PARD3: variants seen among roughly 807,000 people sequenced by gnomAD.
PARD3 encodes par-3 family cell polarity regulator.
In PARD3, 75 loss-of-function variants were observed where a neutral mutation model predicts 155.4. That is an observed-to-expected ratio of 0.48 (90% confidence interval 0.40 to 0.58). The LOEUF is 0.58. Among genes scored for constraint, PARD3 ranks in the 20% least tolerant of loss-of-function variants. The pLI is 0.00. For missense variants in PARD3, 1,642 were observed against 1,721.7 expected (o/e 0.95, Z 0.82); for synonymous variants, 576 against 610.5 (o/e 0.94, Z 0.83).
chr10:34,462,902 G>C (rs1223989782), intron 4 of PARD3, among the ~76,000 whole-genome samples: 1 of 137,092 alleles, frequency 7.3e-6, no homozygotes, highest in African/African-American at 2.8e-5. Context: ...GGAGGAGAAA[G>C]GGGGAGAGGA....
At chr10:34,527,544 G>A (rs960572398) in intron 2 of PARD3, among the ~76,000 whole-genome samples, 7 of 152,118 alleles carry the variant, frequency 4.6e-5, no homozygotes, top group Non-Finnish European at 8.8e-5. Context: ...AAAGAAGAAA[G>A]TAGAACTAGG....
At chr10:34,807,346 T>C (rs1843536852) in intron 1 of PARD3, among the ~76,000 whole-genome samples, 1 of 152,260 alleles carries the variant, frequency 6.6e-6, no homozygotes, top group Admixed American at 6.5e-5. Flanking sequence ...GCGTTGTTCA[T>C]AGTGGCTTAT....
chr10:34,452,118 T>G (rs2077095267), intron 4 of PARD3, among the ~76,000 whole-genome samples: 1 of 152,206 alleles, frequency 6.6e-6, no homozygotes, highest in African/African-American at 2.4e-5. Context: ...ATAACTTTTA[T>G]GTCAAAAATA....
intron 2 of PARD3, among the ~76,000 whole-genome samples, chr10:34,670,554 C>A (rs1311945417): frequency 2.6e-5 from 4 of 152,174 alleles, no homozygotes; most frequent in African/African-American, 7.2e-5. Flanking sequence ...CTGACTAGCC[C>A]CAACCCCATC....
At chr10:34,788,778 C>T (rs1191824062) in intron 1 of PARD3, among the ~76,000 whole-genome samples, 1 of 152,136 alleles carries the variant, frequency 6.6e-6, no homozygotes, top group African/African-American at 2.4e-5. Context: ...CTGGAGACTG[C>T]AGTCCTGGGC....
chr10:34,428,631 C>A (rs773952), intron 5 of PARD3, among the ~76,000 whole-genome samples: 108,415 of 152,186 alleles, frequency 0.71, 39,336 homozygotes, highest in African/African-American at 0.85. Context: ...AGAAAGAAGA[C>A]GACAACAGCT....
At chr10:34,273,823 C>G (rs1382325225) in intron 21 of PARD3, among the ~76,000 whole-genome samples, 1 of 152,134 alleles carries the variant, frequency 6.6e-6, no homozygotes, top group Non-Finnish European at 1.5e-5. Flanking sequence ...ACCATCACCC[C>G]ACTCTTGGTT....
intron 2 of PARD3, among the ~76,000 whole-genome samples, chr10:34,545,517 C>T (rs2083971119): frequency 6.6e-6 from 1 of 152,094 alleles, no homozygotes. Flanking sequence ...TTTAAAACAC[C>T]CTTAAACATA....
At chr10:34,737,703 C>A (rs1310823647) in intron 1 of PARD3, among the ~76,000 whole-genome samples, 4 of 152,178 alleles carry the variant, frequency 2.6e-5, no homozygotes, top group Admixed American at 2.6e-4. Flanking sequence ...AGAATCCAGG[C>A]CCACACCAGA....
chr10:34,509,105 A>C (rs2081255235), intron 3 of PARD3, among the ~76,000 whole-genome samples: 1 of 152,198 alleles, frequency 6.6e-6, no homozygotes, highest in Non-Finnish European at 1.5e-5. Context: ...TCATGTTGAA[A>C]GCATAAGTAG....
intron 1 of PARD3, among the ~76,000 whole-genome samples, chr10:34,766,617 CAAAAAAAAA>C (rs34958448): frequency 1.2e-5 from 1 of 81,788 alleles, no homozygotes; most frequent in East Asian, 4.2e-4. Flanking sequence ...ACTTAATTGA[CAAAAAAAAA>C]AAAAAAAAAA....
chr10:34,716,276 A>G (rs1424526607), intron 1 of PARD3, among the ~76,000 whole-genome samples: 1 of 152,230 alleles, frequency 6.6e-6, no homozygotes, highest in African/African-American at 2.4e-5. Flanking sequence ...GCATTAAAAC[A>G]GAGAATACAT....
At chr10:34,626,116 T>C (rs1163265944) in intron 2 of PARD3, among the ~76,000 whole-genome samples, 1 of 152,132 alleles carries the variant, frequency 6.6e-6, no homozygotes, top group Non-Finnish European at 1.5e-5. Context: ...TCAAGGGTCA[T>C]AAAAGACCAC....
intron 4 of PARD3, among the ~76,000 whole-genome samples, chr10:34,457,492 G>A (rs139283600): frequency 4.1e-4 from 62 of 152,342 alleles, no homozygotes; most frequent in Admixed American, 1.0e-3. Context: ...ACTGAAAGAA[G>A]AAACAGGGAT....
chr10:34,352,713 C>T (rs1838254963), intron 14 of PARD3, among the ~76,000 whole-genome samples: 1 of 152,216 alleles, frequency 6.6e-6, no homozygotes, highest in African/African-American at 2.4e-5. Context: ...ACCTCGCAGC[C>T]GCCTGCCTTG....
intron 1 of PARD3, among the ~76,000 whole-genome samples, chr10:34,758,851 G>A (rs913827487): frequency 3.3e-5 from 5 of 152,174 alleles, no homozygotes; most frequent in African/African-American, 4.8e-5. Flanking sequence ...AACAGCACAG[G>A]AAATTCCCCC....
chr10:34,483,781 T>A (rs572592553), intron 3 of PARD3, among the ~76,000 whole-genome samples: 13 of 152,320 alleles, frequency 8.5e-5, no homozygotes, highest in African/African-American at 2.9e-4. Flanking sequence ...AACACTGAAT[T>A]AGCAAATACT....
intron 3 of PARD3, among the ~76,000 whole-genome samples, chr10:34,512,115 T>C (rs1156518437): frequency 6.6e-6 from 1 of 152,220 alleles, no homozygotes; most frequent in African/African-American, 2.4e-5. Flanking sequence ...CCTAGATCCA[T>C]TATGTCATCA....
At chr10:34,718,149 C>CA (rs71033340) in intron 1 of PARD3, among the ~76,000 whole-genome samples, 2,782 of 82,456 alleles carry the variant, frequency 0.034, 68 homozygotes, top group African/African-American at 0.059. Flanking sequence ...GACTCCATCT[C>CA]AAAAAAAAAA....
Sources: allele counts gnomAD v4.1 joint callset (sites outside exome capture counted in the v4.1 genomes callset), GRCh38; gene constraint gnomAD v4.1.1; transcripts MANE v1.5; gene names NCBI Gene and HGNC (gene_info 2026-07-23, HGNC 2026-07-21).